Variants in RALGAPA2 observed in about 807,000 individuals in gnomAD.
RALGAPA2 encodes the protein ral GTPase-activating protein subunit alpha-2.
In RALGAPA2, 139 loss-of-function variants were observed where a neutral mutation model predicts 230.4. The observed-to-expected ratio is 0.60, with a 90% CI of 0.53 to 0.69. The LOEUF (loss-of-function observed/expected upper bound fraction) is 0.69. Ranked by LOEUF, RALGAPA2 falls within the 30% of genes least tolerant of loss-of-function variation. The pLI is 0.00. For synonymous variants in RALGAPA2, 847 were observed against 837.8 expected (o/e 1.01, Z -0.19); for missense variants, 2,163 against 2,276.0 (o/e 0.95, Z 1.01).
At chr20:20,490,577 G>T (rs2062024193) in intron 36 of RALGAPA2, among the ~76,000 whole-genome samples, 1 of 151,980 alleles carries the variant, frequency 6.6e-6, no homozygotes, top group South Asian at 2.1e-4. Flanking sequence ...GCTGTGATTG[G>T]GATAAATATT....
intron 38 of RALGAPA2, among the ~76,000 whole-genome samples, chr20:20,404,915 G>A (rs1032800864): frequency 1.3e-5 from 2 of 152,208 alleles, no homozygotes; most frequent in Non-Finnish European, 2.9e-5. Flanking sequence ...TCTTATTCTG[G>A]GAACCTATGA....
At chr20:20,509,496 C>G (rs1031652950) in intron 33 of RALGAPA2, among the ~76,000 whole-genome samples, 8 of 152,152 alleles carry the variant, frequency 5.3e-5, no homozygotes, top group African/African-American at 1.9e-4. Context: ...ATTTATCACT[C>G]TTTAAGGCCA....
At chr20:20,555,624 G>A (rs1344060237) in intron 23 of RALGAPA2, among the ~76,000 whole-genome samples, 1 of 152,138 alleles carries the variant, frequency 6.6e-6, no homozygotes, top group Non-Finnish European at 1.5e-5. Context: ...CAAGTCTTGG[G>A]TTAAATTTAT....
At chr20:20,430,971 A>G (rs956411155) in intron 37 of RALGAPA2, among the ~76,000 whole-genome samples, 1 of 152,038 alleles carries the variant, frequency 6.6e-6, no homozygotes, top group African/African-American at 2.4e-5. Flanking sequence ...ATATGACAGG[A>G]ATGACTTTGG....
chr20:20,513,057 A>G lies in RALGAPA2; in HGVS notation c.4312T>C (p.Ser1438Pro), dbSNP rs1602604513. The G allele has an allele frequency of 1.2e-6, 2 of 1,611,714 alleles. No homozygotes were observed. The highest frequency in any genetic ancestry group is 4.5e-5 in the East Asian group (2 of 44,850). ...CCTTCTGTGGGTGTCTGAAGGTAGG[A>G]GATGAGGGTGCTATCATTAAATACA... ...LFVFNDSTLI[S>P]YLQTPTEGPV... Residue 1438 changes from serine (S) to proline (P), a missense_variant, in exon 32 of 40, where the codon TCC becomes CCC. Transcript: ENST00000202677.
chr20:20,557,870 C>A (rs1370035954), intron 23 of RALGAPA2, among the ~76,000 whole-genome samples: 1 of 152,118 alleles, frequency 6.6e-6, no homozygotes, highest in African/African-American at 2.4e-5. Context: ...CAGTTACCAG[C>A]AAGGTTTAAA....
intron 1 of RALGAPA2, among the ~76,000 whole-genome samples, chr20:20,692,438 C>T (rs2068945879): frequency 6.6e-6 from 1 of 152,176 alleles, no homozygotes; most frequent in South Asian, 2.1e-4. Flanking sequence ...CACCCACCAA[C>T]CACAAACAGA....
intron 1 of RALGAPA2, among the ~76,000 whole-genome samples, chr20:20,698,335 A>G (rs1263763897): frequency 1.3e-5 from 2 of 151,682 alleles, no homozygotes; most frequent in African/African-American, 4.8e-5. Flanking sequence ...CAGTGGCTCA[A>G]TCTCGGCTCA....
At chr20:20,481,454 G>T (rs1158600000) in intron 36 of RALGAPA2, among the ~76,000 whole-genome samples, 1 of 152,116 alleles carries the variant, frequency 6.6e-6, no homozygotes, top group Non-Finnish European at 1.5e-5. Context: ...AATGACAAAT[G>T]AAGAATGTGC....
chr20:20,672,407 A>G (rs914907757), intron 3 of RALGAPA2, among the ~76,000 whole-genome samples: 10 of 152,258 alleles, frequency 6.6e-5, no homozygotes, highest in Admixed American at 6.5e-4. Flanking sequence ...TACACAGTAA[A>G]TGTTTAATAA....
intron 15 of RALGAPA2, among the ~76,000 whole-genome samples, chr20:20,604,151 C>A (rs6035658): frequency 1.5e-4 from 23 of 152,332 alleles, no homozygotes; most frequent in African/African-American, 5.5e-4. Flanking sequence ...TCCCTGCAAC[C>A]TCACTCATTT....
chr20:20,588,040 G>A (rs1298782906), intron 18 of RALGAPA2, among the ~76,000 whole-genome samples: 1 of 152,160 alleles, frequency 6.6e-6, no homozygotes, highest in African/African-American at 2.4e-5. Flanking sequence ...AAAAATATGA[G>A]TGATGCAACC....
At chr20:20,543,411 C>T (rs994076848) in intron 24 of RALGAPA2, among the ~76,000 whole-genome samples, 2 of 152,126 alleles carry the variant, frequency 1.3e-5, no homozygotes, top group African/African-American at 4.8e-5. Context: ...AATCATGCTG[C>T]TATAAAGACA....
intron 23 of RALGAPA2, among the ~76,000 whole-genome samples, chr20:20,549,538 G>C (rs984342728): frequency 5.3e-5 from 8 of 152,140 alleles, no homozygotes; most frequent in Non-Finnish European, 2.9e-5. Flanking sequence ...GGGTAAATGG[G>C]GGGGTTAAAG....
chr20:20,426,831 C>G (rs1355564024), intron 37 of RALGAPA2, among the ~76,000 whole-genome samples: 5 of 152,212 alleles, frequency 3.3e-5, no homozygotes, highest in Non-Finnish European at 7.3e-5. Context: ...TCTGCTGATG[C>G]TGCATCAACC....
chr20:20,469,160 ATGT>A (rs2061487190), intron 37 of RALGAPA2, among the ~76,000 whole-genome samples: 1 of 152,194 alleles, frequency 6.6e-6, no homozygotes, highest in African/African-American at 2.4e-5. Flanking sequence ...GGCACTGTAA[ATGT>A]TGACGAATGC....
chr20:20,698,343 T>C (rs2069201900), intron 1 of RALGAPA2, among the ~76,000 whole-genome samples: 1 of 151,906 alleles, frequency 6.6e-6, no homozygotes, highest in East Asian at 1.9e-4. Context: ...CAATCTCGGC[T>C]CACTGCATCC....
At chr20:20,457,839 G>A (rs2061157989) in intron 37 of RALGAPA2, among the ~76,000 whole-genome samples, 1 of 152,242 alleles carries the variant, frequency 6.6e-6, no homozygotes, top group Admixed American at 6.5e-5. Context: ...AGGTGTGGGT[G>A]CACATGTGTG....
chr20:20,664,789 C>T (rs2067904338), intron 3 of RALGAPA2, among the ~76,000 whole-genome samples: 2 of 152,148 alleles, frequency 1.3e-5, no homozygotes, highest in Admixed American at 6.5e-5. Context: ...GTTCCCACCA[C>T]CCCATAAATT....
Sources: allele counts gnomAD v4.1 joint callset (sites outside exome capture counted in the v4.1 genomes callset), GRCh38; gene constraint gnomAD v4.1.1; transcripts MANE v1.5; gene names NCBI Gene and HGNC (gene_info 2026-07-23, HGNC 2026-07-21).